Variants in TMA7B observed in about 807,000 individuals in gnomAD.
TMA7B encodes translation machinery associated 7 homolog B, also known as translation machinery-associated protein 7B.
At chr22:39,964,495 G>A in the TMA7B span, 9 of 1,035,602 alleles carry the variant, frequency 8.7e-6, no homozygotes, top group South Asian at 1.3e-5. Flanking sequence ...GAAGAAACTC[G>A]AGGTGCTAAA....
At chr22:39,964,775 G>A in the TMA7B span, 1 of 435,164 alleles carries the variant, frequency 2.3e-6, no homozygotes, top group African/African-American at 2.1e-5. Flanking sequence ...TTTTCACTAA[G>A]TCATTCCTAC....
chr22:39,962,378 T>C, the TMA7B span, among the ~76,000 whole-genome samples: 1 of 152,132 alleles, frequency 6.6e-6, no homozygotes, highest in African/African-American at 2.4e-5. Flanking sequence ...CCAAGATCGA[T>C]CGCACCACTG....
the TMA7B span, among the ~76,000 whole-genome samples, chr22:39,961,372 T>A: frequency 3.9e-5 from 6 of 152,262 alleles, no homozygotes; most frequent in South Asian, 1.2e-3. Flanking sequence ...CCTTCCCATC[T>A]CCTTTGGTTC....
At chr22:39,963,249 G>T in the TMA7B span, among the ~76,000 whole-genome samples, 1 of 152,124 alleles carries the variant, frequency 6.6e-6, no homozygotes, top group Non-Finnish European at 1.5e-5. Context: ...CCAGATTTTG[G>T]AGTCCAGCGC....
the TMA7B span, chr22:39,964,161 C>G: frequency 2.0e-6 from 1 of 500,362 alleles, no homozygotes; most frequent in Non-Finnish European, 3.5e-6. Flanking sequence ...GAAAAATAAA[C>G]TTTACATCCA....
the TMA7B span, chr22:39,964,596 T>C: frequency 1.3e-6 from 1 of 763,530 alleles, no homozygotes; most frequent in South Asian, 1.4e-5. Context: ...AAGGAGACGG[T>C]GACCCTTTAT....
chr22:39,962,303 T>G, the TMA7B span, among the ~76,000 whole-genome samples: 7 of 151,810 alleles, frequency 4.6e-5, no homozygotes, highest in Non-Finnish European at 7.4e-5. Flanking sequence ...ATGCCTGTGG[T>G]CCCAACTACT....
chr22:39,961,526 T>A, the TMA7B span, among the ~76,000 whole-genome samples: 1 of 150,282 alleles, frequency 6.7e-6, no homozygotes, highest in Admixed American at 6.6e-5. Flanking sequence ...GGGCCAGGAG[T>A]GGGGGAGGAC....
At chr22:39,964,659 A>G in the TMA7B span, 3 of 561,590 alleles carry the variant, frequency 5.3e-6, no homozygotes, top group African/African-American at 3.9e-5. Flanking sequence ...TTTGCCACCT[A>G]TAGTTGGAAT....
At chr22:39,960,730 G>A in the TMA7B span, 1 of 153,230 alleles carries the variant, frequency 6.5e-6, no homozygotes, top group African/African-American at 2.4e-5. Flanking sequence ...ACTCCTACAA[G>A]ACAGGTTAAC....
chr22:39,961,824 T>G, the TMA7B span, among the ~76,000 whole-genome samples: 1 of 152,224 alleles, frequency 6.6e-6, no homozygotes, highest in Non-Finnish European at 1.5e-5. Flanking sequence ...AAGCTTTGTT[T>G]TAAGGACAGA....
At chr22:39,963,091 C>T in the TMA7B span, among the ~76,000 whole-genome samples, 954 of 152,276 alleles carry the variant, frequency 6.3e-3, 15 homozygotes, top group South Asian at 0.063. Context: ...TGACAATTAC[C>T]GTAATCCTTA....
At chr22:39,961,593 G>A in the TMA7B span, among the ~76,000 whole-genome samples, 2 of 152,196 alleles carry the variant, frequency 1.3e-5, no homozygotes, top group African/African-American at 2.4e-5. Context: ...CTCAGTCCAC[G>A]CGTAGACATT....
chr22:39,961,802 T>A, the TMA7B span, among the ~76,000 whole-genome samples: 1 of 152,232 alleles, frequency 6.6e-6, no homozygotes, highest in African/African-American at 2.4e-5. Context: ...TCAATATATT[T>A]TGAAAGGCAT....
chr22:39,963,889 G>C, the TMA7B span: 23 of 153,378 alleles, frequency 1.5e-4, no homozygotes, highest in African/African-American at 5.3e-4. Flanking sequence ...GGTGGCGGGC[G>C]CCTGTAGTCC....
chr22:39,964,369 G>A, the TMA7B span: 1 of 725,582 alleles, frequency 1.4e-6, no homozygotes, highest in South Asian at 1.5e-5. Context: ...AGGGGCGGCA[G>A]GCGCCATGTC....
chr22:39,962,996 T>A, the TMA7B span, among the ~76,000 whole-genome samples: 83 of 152,130 alleles, frequency 5.5e-4, 1 homozygote, highest in Non-Finnish European at 2.5e-4. Flanking sequence ...ATTTCCTTAA[T>A]TAAAGTGAGT....
chr22:39,964,833 C>T, the TMA7B span: 2 of 329,794 alleles, frequency 6.1e-6, no homozygotes, highest in Non-Finnish European at 1.1e-5. Context: ...TTGCCAGAAT[C>T]TGCTCTTTGG....
At chr22:39,962,429 GA>G in the TMA7B span, among the ~76,000 whole-genome samples, 2 of 151,408 alleles carry the variant, frequency 1.3e-5, no homozygotes, top group Middle Eastern at 3.4e-3. Flanking sequence ...TGTCTCAAGA[GA>G]AAAAAATTAT....
Sources: gnomAD v4.1 joint callset for allele counts (sites outside exome capture counted in the v4.1 genomes callset) on GRCh38, gnomAD v4.1.1 for gene constraint, MANE v1.5 for transcripts, NCBI Gene and HGNC (gene_info 2026-07-23, HGNC 2026-07-21) for gene names.